The following ADAMTS12 variants were observed in gnomAD, a reference collection of about 807,000 sequenced individuals.
ADAMTS12 encodes ADAM metallopeptidase with thrombospondin type 1 motif 12.
In ADAMTS12, 118 loss-of-function variants were observed where a neutral mutation model predicts 167.8. The ratio of observed to expected loss-of-function variants is 0.70; its 90% CI spans 0.61 to 0.82. The LOEUF (loss-of-function observed/expected upper bound fraction) is 0.82, where lower values mean the gene tolerates loss of function less well. Ranked by LOEUF, ADAMTS12 falls within the 40% of genes least tolerant of loss-of-function variation. ADAMTS12 has a pLI of 0.00. For missense variants in ADAMTS12, 1,916 were observed against 1,998.8 expected, an observed-to-expected ratio of 0.96 and a Z score of 0.79; for synonymous variants, 704 against 716.9, an observed-to-expected ratio of 0.98 and a Z score of 0.29.
Position 33,576,493 on chromosome 5 carries a change from G to A in ADAMTS12, c.3533C>T (p.Thr1178Ile). The part of the protein sequence containing the change: ...DKDESNPVIW[T>I]KIRVPGNDAP... ...GTCATTTCCAGGTACTCTGATCTTG[G>A]TCCATATTACAGGATTGCTTTCATC... Residue 1178 changes from threonine to isoleucine, a missense_variant, in exon 19 of 24, where the codon ACC (threonine) becomes ATC (isoleucine). Physicochemically the swap from Thr to Ile is moderately conservative, Grantham distance 89. Coordinates refer to ENST00000504830, the MANE Select transcript of ADAMTS12 (RefSeq NM_030955.4). 1 of 1,609,114 alleles carries A rather than the reference G, an allele frequency of 6.2e-7. No individual in the cohort carries two copies. The highest frequency in any genetic ancestry group is 1.1e-5 in the South Asian group (1 of 89,998).
In ADAMTS12 at chr5:33,624,265, A is replaced by G; in HGVS notation, c.2109T>C (p.Thr703=). The G allele has an allele frequency of 1.2e-6, 2 of 1,614,070 alleles. No homozygotes were observed. The highest frequency in any genetic ancestry group is 1.7e-6 in the Non-Finnish European group (2 of 1,179,982). ...VCLGDGSSCQ[T]VRKMFKQKEG... ...CCTTCTGCTTAAACATCTTTCTCAC[A>G]GTCTGGCAGGAAGAGCCATCTCCCA... Residue 703 remains threonine (T), a synonymous_variant, in exon 14 of 24, where the codon ACT becomes ACC. Transcript: ENST00000504830.
At chr5:33,847,785 C>G (rs1404766120) in intron 2 of ADAMTS12, among the ~76,000 whole-genome samples, 1 of 152,160 alleles carries the variant, frequency 6.6e-6, no homozygotes, top group African/African-American at 2.4e-5. Context: ...TCAGGTGAAG[C>G]TGTTACCAGA....
chr5:33,649,023 C>A (rs1740781832), intron 8 of ADAMTS12, 57 bp from the exon 9 acceptor site: 8 of 1,586,842 alleles, frequency 5.0e-6, no homozygotes, highest in Non-Finnish European at 6.9e-6. Flanking sequence ...TTACCTTCAG[C>A]CTTTCATTCA....
intron 3 of ADAMTS12, among the ~76,000 whole-genome samples, chr5:33,700,686 A>G (rs867407219): frequency 2.1e-4 from 32 of 152,154 alleles, no homozygotes; most frequent in South Asian, 4.1e-4. Context: ...CACACGTACA[A>G]GTAAAATTGG....
chr5:33,542,165 C>CA (rs547379845), intron 22 of ADAMTS12, among the ~76,000 whole-genome samples: 1,502 of 148,330 alleles, frequency 0.01, 23 homozygotes, highest in African/African-American at 0.034. Context: ...AAATAGAAAG[C>CA]AAAAAAAAAG....
At chr5:33,849,173 C>CT (rs1749084598) in intron 2 of ADAMTS12, among the ~76,000 whole-genome samples, 2 of 65,270 alleles carry the variant, frequency 3.1e-5, no homozygotes, top group African/African-American at 1.2e-4. Context: ...TATTGCATAG[C>CT]AATATATATA....
At chr5:33,609,954 C>A (rs1053018152) in intron 16 of ADAMTS12, among the ~76,000 whole-genome samples, 1 of 151,620 alleles carries the variant, frequency 6.6e-6, no homozygotes, top group African/African-American at 2.4e-5. Context: ...CCAAAGTGGG[C>A]GGATCACCTG....
intron 2 of ADAMTS12, among the ~76,000 whole-genome samples, chr5:33,829,647 T>TTCC (rs1304627398): frequency 6.6e-6 from 1 of 152,194 alleles, no homozygotes; most frequent in Admixed American, 6.5e-5. Flanking sequence ...TAATAATTAA[T>TTCC]TCCTCCTGAG....
At chr5:33,625,764 G>A (rs1479593720) in intron 13 of ADAMTS12, among the ~76,000 whole-genome samples, 1 of 152,144 alleles carries the variant, frequency 6.6e-6, no homozygotes, top group Admixed American at 6.5e-5. Context: ...ATATTAAATG[G>A]GTTCTTGCAG....
At chr5:33,781,439 T>G (rs908704386) in intron 2 of ADAMTS12, among the ~76,000 whole-genome samples, 1 of 152,142 alleles carries the variant, frequency 6.6e-6, no homozygotes, top group Non-Finnish European at 1.5e-5. Context: ...GGGCTGGAAG[T>G]CTGCATTTCT....
intron 20 of ADAMTS12, among the ~76,000 whole-genome samples, chr5:33,559,305 G>A (rs62351101): frequency 0.2 from 30,263 of 152,058 alleles, 3,882 homozygotes; most frequent in Non-Finnish European, 0.27. Flanking sequence ...ATCATGTATG[G>A]CAAACAGGTA....
chr5:33,574,674 C>T (rs955127251), intron 19 of ADAMTS12, among the ~76,000 whole-genome samples: 1 of 151,870 alleles, frequency 6.6e-6, no homozygotes, highest in East Asian at 1.9e-4. Context: ...GTGCAGCACA[C>T]CAGCATGTCA....
At chr5:33,854,785 C>T (rs139605772) in intron 2 of ADAMTS12, among the ~76,000 whole-genome samples, 83 of 152,294 alleles carry the variant, frequency 5.4e-4, no homozygotes, top group African/African-American at 1.8e-3. Context: ...GAGGAATTTC[C>T]GCCAGCCAGA....
intron 23 of ADAMTS12, among the ~76,000 whole-genome samples, chr5:33,530,141 G>A (rs1171173745): frequency 3.3e-5 from 5 of 151,914 alleles, no homozygotes; most frequent in Non-Finnish European, 5.9e-5. Flanking sequence ...GGTCAGGCTG[G>A]TCTTGAACTC....
At chr5:33,695,834 C>T (rs772131819) in intron 3 of ADAMTS12, among the ~76,000 whole-genome samples, 1 of 152,160 alleles carries the variant, frequency 6.6e-6, no homozygotes, top group African/African-American at 2.4e-5. Context: ...CTGAACTGTA[C>T]ATTTAAAAAT....
At position 33,567,989 on chromosome 5, in the gene ADAMTS12, C is replaced by T. The variant is rs147955482; in HGVS notation, c.3973-6810G>A. 5.2e-3 allele frequency among the ~76,000 whole-genome samples: 786 copies of T among 152,268 alleles called. 15 individuals are homozygous for T. Among genetic ancestry groups the T allele is most frequent in the South Asian group, 0.031 (148 of 4,818 alleles). On this transcript the variant is annotated intron_variant, in intron 19 of 23. Coordinates refer to ENST00000504830, the MANE Select transcript of ADAMTS12 (RefSeq NM_030955.4). The stretch of plus-strand genomic sequence containing the variant: ...CCAGCTACTTAAATTCTCTCAGCTT[C>T]GGTTTCCTTGCCTCTACAATAGGGA...
chr5:33,569,260 A>T (rs896597697), intron 19 of ADAMTS12, among the ~76,000 whole-genome samples: 5 of 152,246 alleles, frequency 3.3e-5, no homozygotes, highest in African/African-American at 9.6e-5. Context: ...CCCAGCACGC[A>T]GCTGGAGATC....
chr5:33,751,255 C>T (rs967941600), intron 3 of ADAMTS12, 149 bp downstream of exon 3: 2 of 981,228 alleles, frequency 2.0e-6, no homozygotes, highest in African/African-American at 1.7e-5. Context: ...CAAGAGAATA[C>T]AGAAGAGATT....
intron 18 of ADAMTS12, among the ~76,000 whole-genome samples, chr5:33,580,248 G>A (rs1746994787): frequency 6.6e-6 from 1 of 152,216 alleles, no homozygotes; most frequent in Non-Finnish European, 1.5e-5. Flanking sequence ...CAGTTTAATT[G>A]ACTCACAGTT....
Sources: allele counts gnomAD v4.1 joint callset (sites outside exome capture counted in the v4.1 genomes callset), GRCh38; gene constraint gnomAD v4.1.1; transcripts MANE v1.5; gene names NCBI Gene and HGNC (gene_info 2026-07-23, HGNC 2026-07-21).